The following KCNK10 variants were observed in gnomAD, a reference collection of about 807,000 sequenced individuals.
KCNK10 encodes potassium channel subfamily K member 10.
In KCNK10, 25 loss-of-function variants were observed where a neutral mutation model predicts 47.7. The observed-to-expected ratio is 0.52, with a 90% CI of 0.38 to 0.73. The LOEUF is 0.73. Ranked by LOEUF, KCNK10 falls within the 30% of genes least tolerant of loss-of-function variation. The probability of loss-of-function intolerance (pLI) is 0.00; values close to 1 mark genes in which losing one functional copy is unlikely to be tolerated. For synonymous variants in KCNK10, 303 were observed against 285.6 expected (o/e 1.06, Z -0.61); for missense variants, 563 against 714.5 (o/e 0.79, Z 2.42).
rs111745161 is a variant in KCNK10 at position 88,260,429 on chromosome 14, T to A, written c.402+2773A>T. ...GAATCAATTAAACCTCTTTTCTTTA[T>A]AAATTGCTTAGTCTCAGATAGTTCT... On this transcript the variant is annotated intron_variant, in intron 2 of 6. Transcript: ENST00000319231. This position sits in a 1 kb window ranked among gnomAD's most constrained non-coding sequence, Gnocchi z 4.5. Among the ~76,000 whole-genome samples the A allele has an allele frequency of 0.013, 2,021 of 152,332 alleles. 42 individuals carry two copies. Among genetic ancestry groups the A allele is most frequent in the African/African-American group, 0.046 (1,910 of 41,574 alleles).
At chr14:88,257,345 C>G (rs192304816) in intron 2 of KCNK10, among the ~76,000 whole-genome samples, 5 of 152,326 alleles carry the variant, frequency 3.3e-5, no homozygotes, top group Admixed American at 6.5e-5. Flanking sequence ...CCCACGACCC[C>G]CTTCCCAGTC....
chr14:88,239,723 G>GT (rs1886398126), intron 3 of KCNK10, among the ~76,000 whole-genome samples: 1 of 152,002 alleles, frequency 6.6e-6, no homozygotes, highest in Non-Finnish European at 1.5e-5. Context: ...GCTAGGCATG[G>GT]TGGTGGGCGC....
chr14:88,244,384 C>A (rs1443980055), intron 2 of KCNK10, among the ~76,000 whole-genome samples: 3 of 152,116 alleles, frequency 2.0e-5, no homozygotes, highest in Admixed American at 2.0e-4. Context: ...TAAGATTTTT[C>A]TCAGCCGGGC....
At position 88,180,897 on chromosome 14, in the gene KCNK10, C is replaced by T. The variant is rs1884324212; in HGVS notation, c.*4638G>A. Reference sequence around the variant, plus strand: ...AATTAACAGCATCCACAATGCCACACTAAAGTGATCTTTGTTTCAGAGAGT... The same window carrying T: ...AATTAACAGCATCCACAATGCCACATTAAAGTGATCTTTGTTTCAGAGAGT... On this transcript the variant is annotated 3_prime_UTR_variant, in exon 7 of 7. Transcript: ENST00000319231. 2.5e-6 allele frequency: 1 copy of T among 398,550 alleles called. No homozygotes were observed. Among genetic ancestry groups the T allele is most frequent in the Non-Finnish European group, 4.4e-6 (1 of 226,008 alleles). 24.7% of individuals were successfully genotyped at this position (398,550 alleles called of 1,614,324 possible). A position where few individuals can be genotyped will look rare whatever the true frequency, so the allele number is the denominator to read the frequency against.
At chr14:88,212,504 CTGAAATGAATCATTGA>C (rs1273422798) in intron 4 of KCNK10, among the ~76,000 whole-genome samples, 19 of 151,932 alleles carry the variant, frequency 1.3e-4, no homozygotes, top group Admixed American at 1.2e-3. Context: ...TTAAAATGAA[CTGAAATGAATCATTGA>C]TGACAACCCC....
At chr14:88,268,873 T>C (rs948982012) in intron 1 of KCNK10, among the ~76,000 whole-genome samples, 2 of 152,136 alleles carry the variant, frequency 1.3e-5, no homozygotes, top group African/African-American at 4.8e-5. Flanking sequence ...CTCAAGAATA[T>C]CTGCATGGCT....
intron 5 of KCNK10, 113 bp from the exon 6 acceptor site, chr14:88,188,222 T>C (rs1884636226): frequency 7.7e-7 from 1 of 1,303,048 alleles, no homozygotes; most frequent in South Asian, 1.3e-5. Context: ...AACACTCAGC[T>C]GTTAGGTTTG....
chr14:88,191,036 A>C (rs577674519), intron 5 of KCNK10, among the ~76,000 whole-genome samples: 1 of 152,170 alleles, frequency 6.6e-6, no homozygotes, highest in Non-Finnish European at 1.5e-5. Flanking sequence ...CAACAGATCA[A>C]GACCAGCTTG....
chr14:88,280,676 G>A (rs1031413069), intron 1 of KCNK10, among the ~76,000 whole-genome samples: 4 of 152,114 alleles, frequency 2.6e-5, no homozygotes, highest in Admixed American at 2.6e-4. Flanking sequence ...AGGATCCTGA[G>A]AGGCAGCCTT....
chr14:88,192,183 C>T (rs752898250), intron 5 of KCNK10, 41 bp downstream of exon 5: 2 of 1,543,982 alleles, frequency 1.3e-6, no homozygotes, highest in Admixed American at 4.1e-5. Context: ...GATTATTTTT[C>T]CCGCCAGAGC....
intron 1 of KCNK10, among the ~76,000 whole-genome samples, chr14:88,303,406 A>G (rs1344122733): frequency 6.6e-6 from 1 of 152,150 alleles, no homozygotes; most frequent in Admixed American, 6.5e-5. Context: ...GCCCCCATAA[A>G]GTGGTGGTGG....
intron 1 of KCNK10, among the ~76,000 whole-genome samples, chr14:88,265,836 G>T (rs8013197): frequency 0.34 from 51,339 of 152,046 alleles, 10,196 homozygotes; most frequent in East Asian, 0.61. Context: ...ATGCTCTCTT[G>T]CCTGCTGCCA....
chr14:88,251,763 C>T (rs1213297810), intron 2 of KCNK10, among the ~76,000 whole-genome samples: 1 of 152,226 alleles, frequency 6.6e-6, no homozygotes, highest in African/African-American at 2.4e-5. Flanking sequence ...TGGTTTGGCT[C>T]CTGCCTGTCT....
At chr14:88,295,549 A>G (rs764981141) in intron 1 of KCNK10, among the ~76,000 whole-genome samples, 26 of 152,168 alleles carry the variant, frequency 1.7e-4, no homozygotes, top group Middle Eastern at 3.4e-3. Flanking sequence ...AGTCCCAGCT[A>G]CTCGGGAGGC....
chr14:88,222,050 T>C (rs995386623), intron 4 of KCNK10, among the ~76,000 whole-genome samples: 13 of 152,316 alleles, frequency 8.5e-5, no homozygotes, highest in African/African-American at 2.6e-4. Flanking sequence ...AGAGGCTTAA[T>C]TGGACTTACA....
chr14:88,218,629 C>T lies in KCNK10; in HGVS notation c.681+8746G>A, dbSNP rs556712627. Among the ~76,000 whole-genome samples the T allele has an allele frequency of 2.2e-4, 33 of 151,674 alleles. No individual in the cohort carries two copies. The South Asian group carries it at 6.3e-3, about 29-fold the overall frequency. ...GGAAATACCAGAAAGCCTGCTGATC[C>T]GAGCCGGAAAAAAAGAAGCAGGTAC... On this transcript the variant is annotated intron_variant, in intron 4 of 6. Coordinates refer to ENST00000319231, the MANE Select transcript of KCNK10 (RefSeq NM_138317.3).
intron 2 of KCNK10, among the ~76,000 whole-genome samples, chr14:88,247,139 G>T (rs982070249): frequency 6.6e-6 from 1 of 152,176 alleles, no homozygotes; most frequent in Admixed American, 6.5e-5. Context: ...ACTCTGCAAA[G>T]GCGCTTCTCT....
intron 4 of KCNK10, among the ~76,000 whole-genome samples, chr14:88,193,844 A>G (rs895324371): frequency 6.6e-5 from 10 of 152,312 alleles, no homozygotes; most frequent in Admixed American, 4.6e-4. Flanking sequence ...CACCAACCCA[A>G]AGAAAGTTGT....
chr14:88,302,876 C>T (rs1157049639), intron 1 of KCNK10, among the ~76,000 whole-genome samples: 1 of 152,058 alleles, frequency 6.6e-6, no homozygotes. Context: ...TCACCTTAGG[C>T]GCTCCCCCTT....
Sources: gnomAD v4.1 joint callset for allele counts (sites outside exome capture counted in the v4.1 genomes callset) on GRCh38, gnomAD v4.1.1 for gene constraint, Gnocchi (gnomAD v3.1) non-coding constraint, MANE v1.5 for transcripts, NCBI Gene and HGNC (gene_info 2026-07-23, HGNC 2026-07-21) for gene names.